The following HAUS8 variants were observed in gnomAD, a reference collection of about 807,000 sequenced individuals.
HAUS8 encodes the protein HAUS augmin-like complex subunit 8.
Under a neutral mutation model 42.9 loss-of-function variants are expected in HAUS8, and 38 were observed. That is an observed-to-expected ratio of 0.89 (90% CI 0.68 to 1.16). HAUS8 has a LOEUF of 1.16. Among genes scored for constraint, HAUS8 ranks in the 50% most tolerant of loss-of-function variants. The pLI is 0.00. For synonymous variants in HAUS8, 199 were observed against 205.8 expected (o/e 0.97, Z 0.28); for missense variants, 494 against 511.6 (o/e 0.97, Z 0.33).
rs779647921 is a variant in HAUS8 at position 17,052,198 on chromosome 19, C to T, written c.929+627G>A. The T allele has an allele frequency of 7.7e-4, 117 of 151,642 alleles. 1 individual carries two copies. Among genetic ancestry groups the T allele is most frequent in the Non-Finnish European group, 8.5e-4 (58 of 68,000 alleles). The allele number at this position is 151,642 out of a possible 1,614,324, so 9.4% of individuals were successfully genotyped here. ...GCCCAGGCTGGTCTTGAACTCTTGG[C>T]CTAAAGTGATTCTCCCACCTCGGCC... On this transcript the variant is annotated intron_variant, in intron 10 of 10. Coordinates refer to ENST00000253669, the MANE Select transcript of HAUS8 (RefSeq NM_033417.2).
In HAUS8 at chr19:17,062,782, G is replaced by C. The variant is rs1420992338; in HGVS notation, c.148-3C>G. 2 of 1,611,360 alleles carry C rather than the reference G, an allele frequency of 1.2e-6. No homozygotes were observed. The highest frequency in any genetic ancestry group is 2.2e-5 in the East Asian group (1 of 44,866). ...TGTGACCCATCTCCTGCAGGAGCCT[G>C]TTATGGGAACACATGACACTCAGAG... On this transcript the variant is annotated splice_polypyrimidine_tract_variant and splice_region_variant and intron_variant, in intron 3 of 10. Coordinates refer to ENST00000253669, the MANE Select transcript of HAUS8 (RefSeq NM_033417.2).
intron 2 of HAUS8, among the ~76,000 whole-genome samples, chr19:17,069,309 G>A (rs1257755967): frequency 6.6e-6 from 1 of 152,084 alleles, no homozygotes; most frequent in Non-Finnish European, 1.5e-5. Context: ...CATGTGTGGA[G>A]TCACAGAGTT....
At chr19:17,054,863 G>A (rs1475900805) in intron 9 of HAUS8, among the ~76,000 whole-genome samples, 2 of 151,820 alleles carry the variant, frequency 1.3e-5, no homozygotes, top group Non-Finnish European at 2.9e-5. Context: ...TACTACTCAG[G>A]AAGCTGAGGT....
intron 6 of HAUS8, among the ~76,000 whole-genome samples, chr19:17,059,163 G>T (rs2057344476): frequency 6.6e-6 from 1 of 152,154 alleles, no homozygotes; most frequent in African/African-American, 2.4e-5. Context: ...CCACCAATTT[G>T]GTGCTGCACC....
intron 3 of HAUS8, 77 bp downstream of exon 3, chr19:17,068,954 C>T (rs2057404320): frequency 7.4e-7 from 1 of 1,343,664 alleles, no homozygotes; most frequent in Non-Finnish European, 1.1e-6. Context: ...GACCACCTCC[C>T]ATGACTAGTT....
intron 4 of HAUS8, among the ~76,000 whole-genome samples, chr19:17,061,982 G>C (rs1312969408): frequency 6.6e-6 from 1 of 152,234 alleles, no homozygotes; most frequent in Non-Finnish European, 1.5e-5. Flanking sequence ...ATCTACACCA[G>C]GAGTGGCAAA....
intron 1 of HAUS8, 110 bp downstream of exon 1, chr19:17,075,284 C>T (rs1305249032): frequency 1.6e-6 from 2 of 1,219,750 alleles, no homozygotes; most frequent in African/African-American, 1.5e-5. Context: ...CAGTTCCTGG[C>T]GGGGTCGAAC....
At chr19:17,067,834 T>C (rs556073193) in intron 3 of HAUS8, among the ~76,000 whole-genome samples, 39 of 152,236 alleles carry the variant, frequency 2.6e-4, no homozygotes, top group African/African-American at 9.4e-4. Flanking sequence ...AACCAAGATT[T>C]GGAAAGCAGA....
chr19:17,063,290 G>C (rs936968681), intron 3 of HAUS8, among the ~76,000 whole-genome samples: 1 of 152,120 alleles, frequency 6.6e-6, no homozygotes, highest in Non-Finnish European at 1.5e-5. Context: ...CGGGTCCAGG[G>C]GTTTGAGGCT....
chr19:17,058,610 A>G lies in HAUS8; in HGVS notation c.584T>C (p.Leu195Pro). Reference protein sequence around the residue: ...KEKLQKKAHELKRRLLLSQRK... With the variant: ...KEKLQKKAHEPKRRLLLSQRK... Reference sequence around the variant, plus strand: ...CTGAGAGAGGAGAAGCCTGCGCTTCAGCTCGTGGGCCTTTTTCTGTAGCTT... The same window carrying G: ...CTGAGAGAGGAGAAGCCTGCGCTTCGGCTCGTGGGCCTTTTTCTGTAGCTT... Residue 195 changes from leucine to proline, a missense_variant, in exon 8 of 11, where the codon CTG becomes CCG. Leu to Pro is a moderately conservative substitution (Grantham distance 98, BLOSUM62 -3). Transcript: ENST00000253669. The G allele has an allele frequency of 6.2e-7, 1 of 1,613,676 alleles. No individual in the cohort carries two copies. Among genetic ancestry groups the G allele is most frequent in the Non-Finnish European group, 8.5e-7 (1 of 1,179,872 alleles).
intron 2 of HAUS8, among the ~76,000 whole-genome samples, chr19:17,070,355 C>T (rs2057414252): frequency 6.6e-6 from 1 of 152,196 alleles, no homozygotes; most frequent in African/African-American, 2.4e-5. Context: ...CCATCAGCCT[C>T]CAACTGCCCT....
At chr19:17,053,577 G>C (rs1238196521) in intron 9 of HAUS8, 1 of 111,820 alleles carries the variant, frequency 8.9e-6, no homozygotes, top group Non-Finnish European at 2.3e-5. Context: ...ACCAGAAACA[G>C]GGTTTTGTGG....
At chr19:17,068,170 G>A (rs1157898139) in intron 3 of HAUS8, among the ~76,000 whole-genome samples, 1 of 143,426 alleles carries the variant, frequency 7.0e-6, no homozygotes, top group African/African-American at 2.6e-5. Flanking sequence ...CTGGAGTGCA[G>A]TGGTTCAATC....
chr19:17,062,598 C>T (rs938139684), intron 4 of HAUS8, 100 bp downstream of exon 4: 6 of 883,178 alleles, frequency 6.8e-6, no homozygotes, highest in Non-Finnish European at 1.1e-5. Context: ...CTGCTTCTGA[C>T]CCTTCCCAGA....
rs542894969 is a variant in HAUS8, at chr19:17,052,679, C to T, written c.929+146G>A. 249 of 778,286 alleles carry T rather than the reference C, an allele frequency of 3.2e-4. 1 individual carries two copies. The African/African-American group carries it at 3.9e-3, about 12-fold the overall frequency. The allele number at this position is 778,286 out of a possible 1,614,324, so 48.2% of individuals were successfully genotyped here. ...ACCTGCTGGCCATTCTTGTATCATG[C>T]AGCGTCTGGGAAAAGAGCAGCTCGC... On this transcript the variant is annotated intron_variant, in intron 10 of 10. Transcript: ENST00000253669.
intron 2 of HAUS8, 83 bp from the exon 3 acceptor site, chr19:17,069,169 C>G: frequency 8.1e-7 from 1 of 1,234,514 alleles, no homozygotes; most frequent in Non-Finnish European, 1.2e-6. Flanking sequence ...CCCGGAGACC[C>G]AGATGCCAGG....
chr19:17,058,951 A>T (rs1311537787), intron 6 of HAUS8, 75 bp from the exon 7 acceptor site: 1 of 1,186,026 alleles, frequency 8.4e-7, no homozygotes, highest in African/African-American at 1.5e-5. Context: ...GCAGGGGGAG[A>T]ACTCTGGCTT....
intron 10 of HAUS8, among the ~76,000 whole-genome samples, chr19:17,051,193 TG>T (rs554897259): frequency 6.6e-6 from 1 of 152,094 alleles, no homozygotes; most frequent in Non-Finnish European, 1.5e-5. Flanking sequence ...TATAACCCTT[TG>T]ATGTCTCCTG....
chr19:17,073,135 A>C, intron 2 of HAUS8, 139 bp downstream of exon 2: 1 of 771,106 alleles, frequency 1.3e-6, no homozygotes, highest in East Asian at 2.6e-5. Context: ...TGGGATGGCC[A>C]GACCCAGAAT....
Sources: allele counts gnomAD v4.1 joint callset (sites outside exome capture counted in the v4.1 genomes callset), GRCh38; gene constraint gnomAD v4.1.1; transcripts MANE v1.5; gene names NCBI Gene and HGNC (gene_info 2026-07-23, HGNC 2026-07-21).